The following MKI67 variants were observed in gnomAD, a reference collection of about 807,000 sequenced individuals.
MKI67 encodes the protein proliferation marker protein Ki-67.
MKI67 carries 152 observed loss-of-function variants against 233.5 expected under a neutral mutation model. That is an observed-to-expected ratio of 0.65 (90% CI 0.57 to 0.74). MKI67 has a LOEUF of 0.74. Ranked by LOEUF, MKI67 falls within the 30% of genes least tolerant of loss-of-function variation. The pLI is 0.00. For missense variants in MKI67, 3,940 were observed against 3,885.2 expected, an observed-to-expected ratio of 1.01 and a Z score of -0.37; for synonymous variants, 1,465 against 1,418.5, an observed-to-expected ratio of 1.03 and a Z score of -0.74.
rs1290259039 is a variant in MKI67 at position 128,126,243 on chromosome 10, C to G, written c.-234G>C. Reference sequence around the variant, plus strand: ...ACGCTCCGCACACACCGGGCCGCAGCCCGCGGGGTCGCGTTCGCTGCACCC... The same window carrying G: ...ACGCTCCGCACACACCGGGCCGCAGGCCGCGGGGTCGCGTTCGCTGCACCC... On this transcript the variant is annotated 5_prime_UTR_variant, in exon 1 of 15. Coordinates refer to ENST00000368654, the MANE Select transcript of MKI67 (RefSeq NM_002417.5). 4 of 153,052 alleles carry G rather than the reference C, an allele frequency of 2.6e-5. No homozygotes were observed. The highest frequency in any genetic ancestry group is 4.4e-5 in the Non-Finnish European group (3 of 68,660). The allele number at this position is 153,052 out of a possible 1,614,324, so 9.5% of individuals were successfully genotyped here.
rs1408761218 is a variant in MKI67, at chr10:128,112,018, T to C, written c.1997A>G (p.Lys666Arg). The change falls in exon 10 of 15, where the codon AAA becomes AGA. Residue 666 changes from lysine to arginine, a missense_variant. Lys to Arg is a conservative substitution (Grantham distance 26, BLOSUM62 2). Coordinates refer to ENST00000368654, the MANE Select transcript of MKI67 (RefSeq NM_002417.5). ...IVAKSWADVVKLGAKQTQTKV... is the reference protein window; with the variant it reads ...IVAKSWADVVRLGAKQTQTKV... The stretch of plus-strand genomic sequence containing the variant: ...AGTTTGTGTTTGTTTTGCACCAAGT[T>C]TTACTACATCTGCCCATGATTTTGC... The C allele has an allele frequency of 6.2e-7, 1 of 1,613,252 alleles. No individual in the cohort carries two copies. The highest frequency in any genetic ancestry group is 1.7e-5 in the Admixed American group (1 of 59,818).
chr10:128,123,114 T>G lies in MKI67; in HGVS notation c.148A>C (p.Lys50Gln). Reference protein sequence around the residue: ...QLPVVSKQHCKIEIHEQEAIL... With the variant: ...QLPVVSKQHCQIEIHEQEAIL... ...ACCTCCTGCTCATGGATTTCAATTT[T>G]GCAATGTTGTTTTGACACAACAGGA... The change falls in exon 3 of 15, where the codon AAA becomes CAA. Residue 50 changes from lysine to glutamine, a missense_variant. By Grantham distance (53) the Lys-to-Gln change is moderately conservative. Coordinates refer to ENST00000368654, the MANE Select transcript of MKI67 (RefSeq NM_002417.5). 6.2e-7 allele frequency: 1 copy of G among 1,614,024 alleles called. No individual in the cohort carries two copies. Among genetic ancestry groups the G allele is most frequent in the Non-Finnish European group, 8.5e-7 (1 of 1,179,912 alleles).
rs1852274385 is a variant in MKI67, at chr10:128,099,000, G to C, written c.*190C>G. 2.0e-6 allele frequency: 1 copy of C among 495,936 alleles called. No individual in the cohort carries two copies. The highest frequency in any genetic ancestry group is 2.0e-5 in the African/African-American group (1 of 50,302). 30.7% of individuals were successfully genotyped at this position (495,936 alleles called of 1,614,324 possible). ...AGCCCCCGGTGTTCAACTATTCTCA[G>C]TCCAGGAGCCCAGCAGTGCTCCCAG... On this transcript the variant is annotated 3_prime_UTR_variant, in exon 15 of 15. Transcript: ENST00000368654.
At position 128,109,099 on chromosome 10, in the gene MKI67, A is replaced by C; in HGVS notation, c.2741T>G (p.Leu914Arg). Residue 914 changes from leucine (L) to arginine (R), a missense_variant, in exon 13 of 15, where the codon CTA becomes CGA. Leu to Arg is a moderately radical substitution (Grantham distance 102, BLOSUM62 -2). Transcript: ENST00000368654. ...CATCTCTCCTTCTCTCCTTTGTTGTAGTAGTGTTGCCTTCTGACCTCTTTT... is the reference window on the plus strand; with the variant it reads ...CATCTCTCCTTCTCTCCTTTGTTGTCGTAGTGTTGCCTTCTGACCTCTTTT... Reference protein sequence around the residue: ...ILKRGQKATLLQQRREGEMKE... With the variant: ...ILKRGQKATLRQQRREGEMKE... 6.2e-7 allele frequency: 1 copy of C among 1,613,998 alleles called. No homozygotes were observed. Among genetic ancestry groups the C allele is most frequent in the Non-Finnish European group, 8.5e-7 (1 of 1,179,996 alleles).
chr10:128,107,907 T>C lies in MKI67; in HGVS notation c.3933A>G (p.Ile1311Met), dbSNP rs536436973. 9.3e-6 allele frequency: 15 copies of C among 1,613,390 alleles called. No homozygotes were observed. The South Asian group carries it at 1.2e-4, about 13-fold the overall frequency. The change falls in exon 13 of 15, where the codon ATA becomes ATG. Residue 1311 changes from isoleucine to methionine, a missense_variant. By Grantham distance (10) the Ile-to-Met change is conservative. Coordinates refer to ENST00000368654, the MANE Select transcript of MKI67 (RefSeq NM_002417.5). ...PSVGEEKDIIIFVGTPVQKLD... is the reference protein window; with the variant it reads ...PSVGEEKDIIMFVGTPVQKLD... ...GTTTCTGCACTGGAGTTCCCACAAA[T>C]ATGATGATGTCTTTCTCTTCACCTA...
At position 128,103,453 on chromosome 10, in the gene MKI67, G is replaced by A. The variant is rs61729197; in HGVS notation, c.8387C>T (p.Ala2796Val). The A allele has an allele frequency of 6.3e-4, 1,017 of 1,613,648 alleles. 5 individuals are homozygous for A. The African/African-American group carries it at 0.012, about 19-fold the overall frequency. Reference protein sequence around the residue: ...RPRAPRESAQAIEDLAGFKDP... With the variant: ...RPRAPRESAQVIEDLAGFKDP... ...TTTGAAGCCAGCTAGGTCTTCTATG[G>A]CTTGGGCACTTTCCCTGGGTGCTCT... is the stretch of plus-strand genomic sequence containing the variant. Residue 2796 changes from alanine (A) to valine (V), a missense_variant, in exon 13 of 15, where the codon GCC (alanine) becomes GTC (valine). By Grantham distance (64) the Ala-to-Val change is moderately conservative. Transcript: ENST00000368654.
In MKI67 at chr10:128,101,199, C is replaced by CA; in HGVS notation, c.9705+58dup. 5 of 1,550,060 alleles carry CA rather than the reference C, an allele frequency of 3.2e-6. No homozygotes were observed. In the South Asian group the frequency reaches 4.8e-5, roughly 15 times the overall value. ...TTTTGTTTGCCTTTGCAACCTTGGG[C>CA]AAAAAATACATCAAAACATTCTGTG... On this transcript the variant is annotated intron_variant, in intron 14 of 14. Transcript: ENST00000368654.
chr10:128,102,042 T>C (rs1852348680), intron 13 of MKI67, among the ~76,000 whole-genome samples: 1 of 152,260 alleles, frequency 6.6e-6, no homozygotes, highest in Admixed American at 6.5e-5. Flanking sequence ...AGTAAATGAA[T>C]TCCTATTCCT....
rs1045452906 is a variant in MKI67 at position 128,125,415 on chromosome 10, C to CA, written c.92+160dup. On this transcript the variant is annotated intron_variant, in intron 2 of 14. Transcript: ENST00000368654. The surrounding 1 kb of genome is among the most constrained non-coding windows in gnomAD (Gnocchi z 5.3). ...TAGCATCAAATTTATACTTACAAAA[C>CA]AAAAAAACACAACTATGTCAACTTA... 9.2e-5 allele frequency among the ~76,000 whole-genome samples: 14 copies of CA among 152,166 alleles called. No homozygotes were observed. The highest frequency in any genetic ancestry group is 4.6e-4 in the Admixed American group (7 of 15,300).
intron 4 of MKI67, among the ~76,000 whole-genome samples, chr10:128,122,174 C>T (rs923810149): frequency 1.3e-5 from 2 of 152,052 alleles, no homozygotes; most frequent in Non-Finnish European, 2.9e-5. Context: ...ACAGACATGC[C>T]CTTCTCAGTG....
rs1323475355 is a variant in MKI67, at chr10:128,107,770, C to T, written c.4070G>A (p.Gly1357Asp). ...TGFKELFQTPGHTEEAVAAGK... is the reference protein window; with the variant it reads ...TGFKELFQTPDHTEEAVAAGK... ...AGCAGCCACTGCTTCTTCAGTATGA[C>T]CAGGGGTCTGGAAGAGCTCTTTAAA... is the stretch of plus-strand genomic sequence containing the variant. The change falls in exon 13 of 15, where the codon GGT (glycine) becomes GAT (aspartate). Residue 1357 changes from glycine to aspartate, a missense_variant. Coordinates refer to ENST00000368654, the MANE Select transcript of MKI67 (RefSeq NM_002417.5). 2.5e-5 allele frequency: 40 copies of T among 1,613,362 alleles called. No individual in the cohort carries two copies. Among genetic ancestry groups the T allele is most frequent in the Non-Finnish European group, 3.3e-5 (39 of 1,179,878 alleles).
At chr10:128,120,090 T>C (rs1016088317) in intron 4 of MKI67, among the ~76,000 whole-genome samples, 1 of 152,254 alleles carries the variant, frequency 6.6e-6, no homozygotes, top group Admixed American at 6.5e-5. Context: ...CTTTCTAAGA[T>C]TCACTTTCAA....
rs543044663 is a variant in MKI67 at position 128,119,311 on chromosome 10, T to C, written c.296A>G (p.Asn99Ser). The change falls in exon 5 of 15, where the codon AAT (asparagine) becomes AGT (serine). Residue 99 changes from asparagine to serine, a missense_variant. Coordinates refer to ENST00000368654, the MANE Select transcript of MKI67 (RefSeq NM_002417.5). ...TIIDRSFRYE[N>S]ESLQNGRKST... ...CTTCCTTCCATTCTGAAGACTTTCA[T>C]TTTCATACCTGCAGTTTATAGAACG... The C allele has an allele frequency of 6.9e-5, 110 of 1,602,018 alleles. No individual in the cohort carries two copies. In the East Asian group the frequency reaches 2.0e-3, roughly 29 times the overall value.
rs569470183 is a variant in MKI67 at position 128,120,000 on chromosome 10, A to G, written c.288-681T>C. Among the ~76,000 whole-genome samples the G allele has an allele frequency of 6.6e-5, 10 of 152,364 alleles. No individual in the cohort carries two copies. In the East Asian group the frequency reaches 9.6e-4, roughly 15 times the overall value. On this transcript the variant is annotated intron_variant, in intron 4 of 14. Coordinates refer to ENST00000368654, the MANE Select transcript of MKI67 (RefSeq NM_002417.5). ...CAGTGAAATGACCTGATTTGAATTT[A>G]TAGGCAACCTAAGTAAGATCTGAAG...
intron 5 of MKI67, 79 bp downstream of exon 5, chr10:128,119,173 AG>A (rs1194534435): frequency 9.6e-7 from 1 of 1,044,578 alleles, no homozygotes; most frequent in Non-Finnish European, 1.5e-6. Context: ...ACTGATTTCA[AG>A]TAAGAAATCA....
Position 128,106,667 on chromosome 10 carries a change from C to T in MKI67, c.5173G>A (p.Glu1725Lys). Residue 1725 changes from glutamate (E) to lysine (K), a missense_variant, in exon 13 of 15, where the codon GAA becomes AAA. By Grantham distance (56) the Glu-to-Lys change is moderately conservative. Coordinates refer to ENST00000368654, the MANE Select transcript of MKI67 (RefSeq NM_002417.5). ...GTAGTTTTTTCGTTAGTCATTGATT[C>T]CTTAGTGTGACTTGGTGTCTGGAAG... ...ELFQTPSHTK[E>K]SMTNEKTTKV... 1 of 1,614,100 alleles carries T rather than the reference C, an allele frequency of 6.2e-7. No individual in the cohort carries two copies. Among genetic ancestry groups the T allele is most frequent in the Non-Finnish European group, 8.5e-7 (1 of 1,180,028 alleles).
At chr10:128,119,592 ACAATATTAC>A (rs1852888010) in intron 4 of MKI67, among the ~76,000 whole-genome samples, 1 of 152,214 alleles carries the variant, frequency 6.6e-6, no homozygotes, top group Non-Finnish European at 1.5e-5. Context: ...GTATGATTTG[ACAATATTAC>A]CAAGCACCTT....
At chr10:128,109,703 C>T (rs1852625712) in intron 12 of MKI67, among the ~76,000 whole-genome samples, 1 of 152,152 alleles carries the variant, frequency 6.6e-6, no homozygotes, top group Admixed American at 6.5e-5. Context: ...CCAAAGGTTG[C>T]CATGCCCTGT....
Position 128,113,556 on chromosome 10 carries a change from AC to A in MKI67, c.1526del (p.Gly509ValfsTer4). On this transcript the variant is annotated frameshift_variant, in exon 8 of 15. Coordinates refer to ENST00000368654, the MANE Select transcript of MKI67 (RefSeq NM_002417.5). LOFTEE classifies it high-confidence loss of function. ...CAAATAGTTCAGGTCTTAGGTGCCC[AC>A]CAAAGGACACACGCCTTCTTTTCAA... ...IPLKRRRVSF[G>X]GHLRPELFDE... 1 of 1,614,236 alleles carries A rather than the reference AC, an allele frequency of 6.2e-7. No individual in the cohort carries two copies. The highest frequency in any genetic ancestry group is 8.5e-7 in the Non-Finnish European group (1 of 1,180,050).
Sources: allele counts gnomAD v4.1 joint callset (sites outside exome capture counted in the v4.1 genomes callset), GRCh38; gene constraint gnomAD v4.1.1; non-coding constraint Gnocchi (gnomAD v3.1); transcripts MANE v1.5; gene names NCBI Gene and HGNC (gene_info 2026-07-23, HGNC 2026-07-21).